TSHZ2: variants seen among roughly 807,000 people sequenced by gnomAD.
The protein encoded by TSHZ2 is teashirt homolog 2.
Under a neutral mutation model 74.4 loss-of-function variants are expected in TSHZ2, and 21 were observed. The ratio of observed to expected loss-of-function variants is 0.28; its 90% confidence interval spans 0.20 to 0.41. The LOEUF (loss-of-function observed/expected upper bound fraction) is 0.41, where lower values mean the gene tolerates loss of function less well. Among genes scored for constraint, TSHZ2 ranks in the 10% least tolerant of loss-of-function variants. The probability of loss-of-function intolerance (pLI) is 1.00; values close to 1 mark genes in which losing one functional copy is unlikely to be tolerated. For missense variants in TSHZ2, 1,244 were observed against 1,293.5 expected, an observed-to-expected ratio of 0.96 and a Z score of 0.59; for synonymous variants, 540 against 515.3, an observed-to-expected ratio of 1.05 and a Z score of -0.65.
At chr20:53,445,681 G>A (rs575747718) in intron 2 of TSHZ2, among the ~76,000 whole-genome samples, 4 of 152,258 alleles carry the variant, frequency 2.6e-5, no homozygotes, top group Admixed American at 6.5e-5. Context: ...TGAGCTGGCC[G>A]ACAATGCTGG....
intron 1 of TSHZ2, among the ~76,000 whole-genome samples, chr20:53,250,784 A>G (rs1216863330): frequency 1.3e-5 from 2 of 151,526 alleles, no homozygotes; most frequent in African/African-American, 4.8e-5. Flanking sequence ...AGGACAAAGT[A>G]GATTGTGAGG....
chr20:53,099,045 G>T (rs1391172484), intron 1 of TSHZ2, among the ~76,000 whole-genome samples: 1 of 152,066 alleles, frequency 6.6e-6, no homozygotes, highest in African/African-American at 2.4e-5. Context: ...CCATCTTGTG[G>T]TCCTACATAT....
intron 2 of TSHZ2, among the ~76,000 whole-genome samples, chr20:53,424,730 G>C (rs1288560646): frequency 1.3e-5 from 2 of 152,062 alleles, no homozygotes; most frequent in Admixed American, 1.3e-4. Context: ...TCCCAGCCAG[G>C]CAGGCTCCAG....
intron 1 of TSHZ2, among the ~76,000 whole-genome samples, chr20:53,069,272 GTTGT>G (rs914518164): frequency 6.6e-6 from 1 of 152,154 alleles, no homozygotes; most frequent in Non-Finnish European, 1.5e-5. Flanking sequence ...GGAAGTATAT[GTTGT>G]TTATCATTAC....
intron 1 of TSHZ2, among the ~76,000 whole-genome samples, chr20:53,216,390 C>T (rs1465240735): frequency 6.6e-6 from 1 of 152,166 alleles, no homozygotes; most frequent in Non-Finnish European, 1.5e-5. Context: ...GTGGCGGAAT[C>T]CCTGGCAGAA....
chr20:53,436,548 A>T (rs6022463), intron 2 of TSHZ2, among the ~76,000 whole-genome samples: 72,322 of 98,840 alleles, frequency 0.73, 27,288 homozygotes, highest in East Asian at 0.91. Context: ...TATTATTATT[A>T]TTTTTTTTTT....
At chr20:53,478,717 A>G (rs1336108477) in intron 2 of TSHZ2, among the ~76,000 whole-genome samples, 1 of 151,930 alleles carries the variant, frequency 6.6e-6, no homozygotes, top group African/African-American at 2.4e-5. Context: ...AAAAAAAAGA[A>G]AGAGCTCGTG....
intron 1 of TSHZ2, among the ~76,000 whole-genome samples, chr20:53,232,311 C>T (rs75949001): frequency 0.021 from 3,235 of 152,240 alleles, 50 homozygotes; most frequent in Non-Finnish European, 0.033. Flanking sequence ...CTAATTCACA[C>T]GTTTATTTTT....
intron 2 of TSHZ2, among the ~76,000 whole-genome samples, chr20:53,285,680 AGCCTGGGGC>A (rs1991150358): frequency 6.6e-6 from 1 of 151,928 alleles, no homozygotes; most frequent in African/African-American, 2.4e-5. Flanking sequence ...ACTGCATTTC[AGCCTGGGGC>A]CGCAGAGCAA....
chr20:53,338,278 T>C (rs1241042144), intron 2 of TSHZ2, among the ~76,000 whole-genome samples: 2 of 152,164 alleles, frequency 1.3e-5, no homozygotes, highest in Non-Finnish European at 2.9e-5. Context: ...GGAGGAGGAT[T>C]TAACCCTGCC....
At chr20:53,275,039 C>A (rs545004022) in intron 2 of TSHZ2, among the ~76,000 whole-genome samples, 1 of 152,082 alleles carries the variant, frequency 6.6e-6, no homozygotes, top group Non-Finnish European at 1.5e-5. Flanking sequence ...TCTGACAGCA[C>A]GGCTTATATT....
chr20:53,206,187 C>A (rs1989164147), intron 1 of TSHZ2, among the ~76,000 whole-genome samples: 1 of 152,088 alleles, frequency 6.6e-6, no homozygotes, highest in Non-Finnish European at 1.5e-5. Context: ...CCGCTGCACT[C>A]CAGCCTGACG....
Position 53,494,910 on chromosome 20 carries a change from C to T in TSHZ2, c.*7775C>T, listed in dbSNP as rs749730319. The T allele has an allele frequency of 1.3e-5, 2 of 151,608 alleles. No individual in the cohort carries two copies. The highest frequency in any genetic ancestry group is 2.4e-5 in the African/African-American group (1 of 41,258). 9.4% of individuals were successfully genotyped at this position (151,608 alleles called of 1,614,324 possible). A position where few individuals can be genotyped will look rare whatever the true frequency, so the allele number is the denominator to read the frequency against. The stretch of plus-strand genomic sequence containing the variant: ...AGACTGTTCCCATCTGAAACCGTAT[C>T]GTAATTTGCATCAGGAAACCCAACT... On this transcript the variant is annotated 3_prime_UTR_variant, in exon 3 of 3. Coordinates refer to ENST00000371497, the MANE Select transcript of TSHZ2 (RefSeq NM_173485.6).
At chr20:53,349,875 A>C (rs1185105094) in intron 2 of TSHZ2, among the ~76,000 whole-genome samples, 1 of 152,210 alleles carries the variant, frequency 6.6e-6, no homozygotes, top group Non-Finnish European at 1.5e-5. Flanking sequence ...TCAGAAGTCT[A>C]TGTCAGCTTC....
At chr20:53,025,744 A>G (rs1983415215) in intron 1 of TSHZ2, among the ~76,000 whole-genome samples, 1 of 152,238 alleles carries the variant, frequency 6.6e-6, no homozygotes, top group Admixed American at 6.5e-5. Context: ...CTGTCACAAA[A>G]TGAATCCTCT....
At chr20:53,218,601 G>C (rs1180966663) in intron 1 of TSHZ2, among the ~76,000 whole-genome samples, 1 of 152,022 alleles carries the variant, frequency 6.6e-6, no homozygotes, top group Non-Finnish European at 1.5e-5. Flanking sequence ...TTTCCAGCAG[G>C]GCATTCACTC....
intron 1 of TSHZ2, among the ~76,000 whole-genome samples, chr20:53,189,145 C>G (rs1313673750): frequency 6.6e-6 from 1 of 152,190 alleles, no homozygotes; most frequent in Non-Finnish European, 1.5e-5. Context: ...CCCTGAAATT[C>G]TAAATTCAGA....
chr20:53,326,457 C>T (rs954919034), intron 2 of TSHZ2, among the ~76,000 whole-genome samples: 1 of 152,208 alleles, frequency 6.6e-6, no homozygotes, highest in African/African-American at 2.4e-5. Flanking sequence ...TATTCCTCAG[C>T]AACGCCCATG....
intron 1 of TSHZ2, among the ~76,000 whole-genome samples, chr20:53,106,887 G>A (rs1199996410): frequency 6.6e-6 from 1 of 151,582 alleles, no homozygotes. Context: ...TAGTAGAGAC[G>A]GAGTTTCACC....
Sources: gnomAD v4.1 joint callset for allele counts (sites outside exome capture counted in the v4.1 genomes callset) on GRCh38, gnomAD v4.1.1 for gene constraint, MANE v1.5 for transcripts, NCBI Gene and HGNC (gene_info 2026-07-23, HGNC 2026-07-21) for gene names.